Variants in VPS54 observed in about 807,000 individuals in gnomAD.
VPS54 encodes VPS54 subunit of GARP complex, also known as vacuolar protein sorting-associated protein 54.
VPS54 carries 45 observed loss-of-function variants against 121.5 expected under a neutral mutation model. The observed-to-expected ratio is 0.37, with a 90% confidence interval of 0.29 to 0.47. VPS54 has a LOEUF of 0.47. Among genes scored for constraint, VPS54 ranks in the 20% least tolerant of loss-of-function variants. The pLI is 0.99. For missense variants in VPS54, 1,090 were observed against 1,131.4 expected (o/e 0.96, Z 0.52); for synonymous variants, 371 against 385.8 (o/e 0.96, Z 0.45).
rs758650678 is a variant in VPS54, at chr2:63,892,176, CAGAT to C, written c.*1250_*1253del. ...TAATTTTTTACAGCTTTATTTTAGA[CAGAT>C]AGTTTAAGAACCAAAGACATACCTC... On this transcript the variant is annotated 3_prime_UTR_variant, in exon 23 of 23. Transcript: ENST00000272322. 7 of 151,986 alleles carry C rather than the reference CAGAT, an allele frequency of 4.6e-5. No individual in the cohort carries two copies. The highest frequency in any genetic ancestry group is 2.6e-4 in the Admixed American group (4 of 15,264). The allele number at this position is 151,986 out of a possible 1,614,324, so 9.4% of individuals were successfully genotyped here.
intron 6 of VPS54, among the ~76,000 whole-genome samples, chr2:63,964,526 T>G (rs1675901670): frequency 6.6e-6 from 1 of 152,192 alleles, no homozygotes; most frequent in Non-Finnish European, 1.5e-5. Flanking sequence ...ACTTAGAATA[T>G]GAAAGCCTGT....
chr2:63,964,475 C>T (rs1000188802), intron 6 of VPS54, among the ~76,000 whole-genome samples: 1 of 152,022 alleles, frequency 6.6e-6, no homozygotes, highest in Non-Finnish European at 1.5e-5. Flanking sequence ...CTGGCTTTTG[C>T]TGTTTTTCTC....
intron 1 of VPS54, among the ~76,000 whole-genome samples, chr2:64,007,541 C>T (rs1678219034): frequency 6.6e-6 from 1 of 152,144 alleles, no homozygotes; most frequent in South Asian, 2.1e-4. Context: ...AAGCAGAGTA[C>T]TACTGTAAAA....
At chr2:64,008,026 A>G (rs1443715058) in intron 1 of VPS54, among the ~76,000 whole-genome samples, 1 of 152,030 alleles carries the variant, frequency 6.6e-6, no homozygotes, top group African/African-American at 2.4e-5. Context: ...AAAAAAAAAA[A>G]GAACAAGAGT....
chr2:63,926,302 A>G (rs114345676), intron 12 of VPS54, among the ~76,000 whole-genome samples: 2,899 of 152,296 alleles, frequency 0.019, 98 homozygotes, highest in African/African-American at 0.066. Context: ...CAGAGTTTTT[A>G]CATCTCTTTT....
chr2:63,989,581 A>C (rs368869109), intron 1 of VPS54, among the ~76,000 whole-genome samples: 1 of 152,102 alleles, frequency 6.6e-6, no homozygotes, highest in Non-Finnish European at 1.5e-5. Context: ...TTTTTTCCTA[A>C]GTGCACGTGG....
chr2:63,977,021 G>T (rs2104601236), intron 3 of VPS54, among the ~76,000 whole-genome samples: 1 of 151,978 alleles, frequency 6.6e-6, no homozygotes, highest in South Asian at 2.1e-4. Flanking sequence ...TAGAGATGGG[G>T]TTTCATCATG....
At chr2:63,916,841 C>T in intron 16 of VPS54, 59 bp downstream of exon 16, 3 of 1,539,520 alleles carry the variant, frequency 1.9e-6, no homozygotes, top group Non-Finnish European at 2.7e-6. Flanking sequence ...CAAGGGAGAA[C>T]TAGAAGACTT....
At chr2:63,996,663 G>A (rs1677609601) in intron 1 of VPS54, among the ~76,000 whole-genome samples, 2 of 152,174 alleles carry the variant, frequency 1.3e-5, no homozygotes, top group South Asian at 4.1e-4. Flanking sequence ...TAACAGCCCT[G>A]GGAAAAGAAT....
At chr2:63,959,687 G>A (rs931615817) in intron 7 of VPS54, among the ~76,000 whole-genome samples, 13 of 152,088 alleles carry the variant, frequency 8.5e-5, no homozygotes, top group Admixed American at 2.0e-4. Context: ...AGGAGTTCGA[G>A]ACCAGCCTGG....
chr2:63,983,280 C>T (rs972917940), intron 2 of VPS54, among the ~76,000 whole-genome samples: 67 of 150,636 alleles, frequency 4.4e-4, no homozygotes, highest in Admixed American at 2.2e-3. Flanking sequence ...TACAGGCACA[C>T]GCCACCACAC....
intron 22 of VPS54, among the ~76,000 whole-genome samples, chr2:63,895,684 A>C (rs2104392163): frequency 6.8e-6 from 1 of 147,678 alleles, no homozygotes; most frequent in South Asian, 2.1e-4. Flanking sequence ...TTTTAGAGCA[A>C]TTTCAGAAAC....
At chr2:63,985,461 A>C (rs1677005333) in intron 1 of VPS54, among the ~76,000 whole-genome samples, 1 of 152,224 alleles carries the variant, frequency 6.6e-6, no homozygotes, top group African/African-American at 2.4e-5. Context: ...AAAGCAAAGG[A>C]AACATAACCA....
chr2:63,932,252 C>G (rs1390145909), intron 12 of VPS54, among the ~76,000 whole-genome samples: 1 of 152,160 alleles, frequency 6.6e-6, no homozygotes, highest in Non-Finnish European at 1.5e-5. Context: ...GACTTGGAAC[C>G]AACCCAAAGG....
At chr2:64,015,826 G>A (rs1396139058) in intron 1 of VPS54, among the ~76,000 whole-genome samples, 1 of 152,054 alleles carries the variant, frequency 6.6e-6, no homozygotes, top group South Asian at 2.1e-4. Context: ...CCCTTCCTTA[G>A]GTTAAAGCAT....
chr2:63,994,997 C>T (rs1677512859), intron 1 of VPS54, among the ~76,000 whole-genome samples: 1 of 152,138 alleles, frequency 6.6e-6, no homozygotes, highest in Non-Finnish European at 1.5e-5. Context: ...CATTCTTTTC[C>T]TTAAAATGGG....
chr2:63,939,372 AAAAAAAAC>A (rs1359542544), intron 11 of VPS54, among the ~76,000 whole-genome samples: 2 of 152,052 alleles, frequency 1.3e-5, no homozygotes, highest in African/African-American at 4.8e-5. Context: ...CTCTACCTCA[AAAAAAAAC>A]AAAAAAACAA....
rs1231570320 is a variant in VPS54, at chr2:63,893,316, C to A, written c.*114G>T. The A allele has an allele frequency of 1.1e-6, 1 of 908,924 alleles. No individual in the cohort carries two copies. The highest frequency in any genetic ancestry group is 1.9e-6 in the Non-Finnish European group (1 of 539,494). The allele number at this position is 908,924 out of a possible 1,614,324, so 56.3% of individuals were successfully genotyped here. On this transcript the variant is annotated 3_prime_UTR_variant, in exon 23 of 23. Coordinates refer to ENST00000272322, the MANE Select transcript of VPS54 (RefSeq NM_016516.3). ...TGATACTTTCCTTTTTCCCTTCCCC[C>A]ACCCCAGTTCACTTTGGGTTTCAGG...
intron 5 of VPS54, 93 bp from the exon 6 acceptor site, chr2:63,966,059 T>A (rs1675980442): frequency 7.7e-7 from 1 of 1,301,850 alleles, no homozygotes; most frequent in African/African-American, 1.5e-5. Context: ...AAAATTAACG[T>A]GGATCTTGAG....
Sources: gnomAD v4.1 joint callset for allele counts (sites outside exome capture counted in the v4.1 genomes callset) on GRCh38, gnomAD v4.1.1 for gene constraint, MANE v1.5 for transcripts, NCBI Gene and HGNC (gene_info 2026-07-23, HGNC 2026-07-21) for gene names.